Variants in ZNF382 observed in about 807,000 individuals in gnomAD.
ZNF382 encodes the protein KRAB/zinc finger suppressor protein 1.
A neutral mutation model predicts 38.8 loss-of-function variants in ZNF382; 20 were observed. The ratio of observed to expected loss-of-function variants is 0.51; its 90% CI spans 0.36 to 0.75. The LOEUF (loss-of-function observed/expected upper bound fraction) is 0.75, where lower values mean the gene tolerates loss of function less well. Among genes scored for constraint, ZNF382 ranks in the 30% least tolerant of loss-of-function variants. ZNF382 has a pLI of 0.00. For synonymous variants in ZNF382, 202 were observed against 223.1 expected, an observed-to-expected ratio of 0.91 and a Z score of 0.84; for missense variants, 546 against 654.1, an observed-to-expected ratio of 0.83 and a Z score of 1.80.
At chr19:36,624,935 G>A (rs1276649782) in intron 4 of ZNF382, among the ~76,000 whole-genome samples, 1 of 151,050 alleles carries the variant, frequency 6.6e-6, no homozygotes, top group Non-Finnish European at 1.5e-5. Context: ...GGATATGGTG[G>A]CACACATCTG....
chr19:36,627,288 A>T lies in ZNF382; in HGVS notation c.1391A>T (p.Tyr464Phe), dbSNP rs1336751160. The change falls in exon 5 of 5, where the codon TAT becomes TTT. Residue 464 changes from tyrosine to phenylalanine, a missense_variant. By Grantham distance (22) the Tyr-to-Phe change is conservative. Transcript: ENST00000292928. ...AGAATTCACACGGGGGAAAAACCCT[A>T]TATTTGTAATGAATGTGGGAAGTCC... Reference protein sequence around the residue: ...HQRIHTGEKPYICNECGKSFR... With the variant: ...HQRIHTGEKPFICNECGKSFR... 6.2e-7 allele frequency: 1 copy of T among 1,603,874 alleles called. No homozygotes were observed. Among genetic ancestry groups the T allele is most frequent in the African/African-American group, 1.4e-5 (1 of 72,088 alleles).
At position 36,619,621 on chromosome 19, in the gene ZNF382, T is replaced by G. The variant is rs2037152758; in HGVS notation, c.233-6509T>G. 7.2e-5 allele frequency among the ~76,000 whole-genome samples: 11 copies of G among 152,300 alleles called. No individual in the cohort carries two copies. In the South Asian group the frequency reaches 2.3e-3, roughly 32 times the overall value. On this transcript the variant is annotated intron_variant, in intron 4 of 4. Transcript: ENST00000292928. ...CACATGGAAGTGCCAGGTGAGAAGGTGACAAAGCGTTTTAAAGTGTCTCAA... is the reference window on the plus strand; with the variant it reads ...CACATGGAAGTGCCAGGTGAGAAGGGGACAAAGCGTTTTAAAGTGTCTCAA...
chr19:36,622,259 G>A (rs1355000391), intron 4 of ZNF382, among the ~76,000 whole-genome samples: 1 of 152,042 alleles, frequency 6.6e-6, no homozygotes, highest in Non-Finnish European at 1.5e-5. Flanking sequence ...GACCTCAAGT[G>A]ATCCACCCAC....
rs779591609 is a variant in ZNF382 at position 36,627,317 on chromosome 19, C to T, written c.1420C>T (p.Arg474Cys). ...TTGTAATGAATGTGGGAAGTCCTTC[C>T]GCCAGAAGGCAATCCTCACTGTTCA... ...YICNECGKSF[R>C]QKAILTVHHR... The change falls in exon 5 of 5, where the codon CGC becomes TGC. Residue 474 changes from arginine (R) to cysteine (C), a missense_variant. Coordinates refer to ENST00000292928, the MANE Select transcript of ZNF382 (RefSeq NM_032825.5). 1.5e-5 allele frequency: 24 copies of T among 1,613,946 alleles called. No individual in the cohort carries two copies. The highest frequency in any genetic ancestry group is 4.5e-5 in the East Asian group (2 of 44,900).
chr19:36,621,909 T>C (rs1223162340), intron 4 of ZNF382, among the ~76,000 whole-genome samples: 1 of 152,168 alleles, frequency 6.6e-6, no homozygotes, highest in Non-Finnish European at 1.5e-5. Context: ...CCATATATAC[T>C]TGCAAAATTA....
rs2145310430 is a variant in ZNF382 at position 36,607,642 on chromosome 19, C to G, written c.-14+20C>G. 1 of 1,514,310 alleles carries G rather than the reference C, an allele frequency of 6.6e-7. No homozygotes were observed. Among genetic ancestry groups the G allele is most frequent in the East Asian group, 2.5e-5 (1 of 40,554 alleles). The allele number at this position is 1,514,310 out of a possible 1,614,324, so 93.8% of individuals were successfully genotyped here. On this transcript the variant is annotated intron_variant, in intron 2 of 4. Transcript: ENST00000292928. ...TCTCAGGTGAGATGATGTTTCCTCTCTTTCTGAAATAACTTTTTTTCATGG... is the reference window on the plus strand; with the variant it reads ...TCTCAGGTGAGATGATGTTTCCTCTGTTTCTGAAATAACTTTTTTTCATGG...
Position 36,627,798 on chromosome 19 carries a change from C to T in ZNF382, c.*248C>T. 2.4e-6 allele frequency: 1 copy of T among 417,914 alleles called. No homozygotes were observed. Among genetic ancestry groups the T allele is most frequent in the Non-Finnish European group, 4.3e-6 (1 of 232,038 alleles). The allele number at this position is 417,914 out of a possible 1,614,324, so 25.9% of individuals were successfully genotyped here. A position where few individuals can be genotyped will look rare whatever the true frequency, so the allele number is the denominator to read the frequency against. On this transcript the variant is annotated 3_prime_UTR_variant, in exon 5 of 5. Transcript: ENST00000292928. ...TAGCTTCAGCAGACAAAAACTTCCTCTGTCAAGGTGTTATAAACATTTAAA... is the reference window on the plus strand; with the variant it reads ...TAGCTTCAGCAGACAAAAACTTCCTTTGTCAAGGTGTTATAAACATTTAAA...
chr19:36,623,138 A>G (rs2037182555), intron 4 of ZNF382, among the ~76,000 whole-genome samples: 1 of 152,194 alleles, frequency 6.6e-6, no homozygotes, highest in Non-Finnish European at 1.5e-5. Flanking sequence ...CCATGTATCC[A>G]GTAGTTATCT....
chr19:36,609,859 A>C, intron 2 of ZNF382, 43 bp from the exon 3 acceptor site: 1 of 1,532,366 alleles, frequency 6.5e-7, no homozygotes, highest in East Asian at 2.3e-5. Context: ...TGTCAGTACT[A>C]GGTCTCCAAT....
At position 36,628,726 on chromosome 19, in the gene ZNF382, G is replaced by A. The variant is rs1011520182; in HGVS notation, c.*1176G>A. 6.6e-6 allele frequency: 1 copy of A among 152,484 alleles called. No homozygotes were observed. Among genetic ancestry groups the A allele is most frequent in the Non-Finnish European group, 1.5e-5 (1 of 68,040 alleles). 9.4% of individuals were successfully genotyped at this position (152,484 alleles called of 1,614,324 possible). On this transcript the variant is annotated 3_prime_UTR_variant, in exon 5 of 5. Transcript: ENST00000292928. Reference sequence around the variant, plus strand: ...CTGTGTTGAAGTTAGGGCGTGGGGAGGAATATAGTCTTTACCTATGGTCTG... The same window carrying A: ...CTGTGTTGAAGTTAGGGCGTGGGGAAGAATATAGTCTTTACCTATGGTCTG...
intron 1 of ZNF382, among the ~76,000 whole-genome samples, chr19:36,607,007 G>A (rs1347780183): frequency 6.6e-6 from 1 of 151,238 alleles, no homozygotes; most frequent in East Asian, 2.0e-4. Context: ...AACCCGGGAG[G>A]TGGAGGTTGC....
intron 4 of ZNF382, among the ~76,000 whole-genome samples, chr19:36,615,096 C>G (rs1349098811): frequency 6.7e-6 from 1 of 150,262 alleles, no homozygotes; most frequent in African/African-American, 2.5e-5. Context: ...GATTCTTGTG[C>G]TTCAGACTCC....
chr19:36,616,858 G>T (rs1043656637), intron 4 of ZNF382, among the ~76,000 whole-genome samples: 6 of 152,198 alleles, frequency 3.9e-5, no homozygotes, highest in Middle Eastern at 3.4e-3. Flanking sequence ...GGCACCTAAA[G>T]TTCAAGTGAC....
chr19:36,619,995 T>C (rs1431605544), intron 4 of ZNF382, among the ~76,000 whole-genome samples: 1 of 152,128 alleles, frequency 6.6e-6, no homozygotes, highest in Non-Finnish European at 1.5e-5. Context: ...CCTCCCAAAG[T>C]GCTGGGATTA....
At chr19:36,609,224 A>G (rs2037058345) in intron 2 of ZNF382, 1 of 152,224 alleles carries the variant, frequency 6.6e-6, no homozygotes, top group Non-Finnish European at 1.5e-5. Flanking sequence ...TTAACAATGT[A>G]GATTTTCATA....
chr19:36,607,717 T>G, intron 2 of ZNF382, 95 bp downstream of exon 2: 1 of 1,289,970 alleles, frequency 7.8e-7, no homozygotes, highest in Non-Finnish European at 1.0e-6. Flanking sequence ...ATATTGGGAT[T>G]TGCTTCCATG....
chr19:36,624,704 T>C lies in ZNF382; in HGVS notation c.233-1426T>C, dbSNP rs2037196210. ...ATTTGGCAAATTTAAGGAATGAAGT[T>C]AGAATTGTTGGTCAGGAGAATTTCA... On this transcript the variant is annotated intron_variant, in intron 4 of 4. Coordinates refer to ENST00000292928, the MANE Select transcript of ZNF382 (RefSeq NM_032825.5). 2.6e-5 allele frequency among the ~76,000 whole-genome samples: 4 copies of C among 152,092 alleles called. No individual in the cohort carries two copies. In the South Asian group the frequency reaches 8.3e-4, roughly 32 times the overall value.
intron 1 of ZNF382, 25 bp from the exon 2 acceptor site, chr19:36,607,527 A>G (rs2037044251): frequency 2.2e-6 from 3 of 1,388,776 alleles, no homozygotes; most frequent in South Asian, 1.2e-5. Context: ...TCACATACGT[A>G]TATCCTCCAT....
At position 36,610,833 on chromosome 19, in the gene ZNF382, A is replaced by G. The variant is rs1600387703; in HGVS notation, c.232+91A>G. On this transcript the variant is annotated intron_variant, in intron 4 of 4. Transcript: ENST00000292928. ...AGGGATCTATTTTTGTTATTGTGGT[A>G]AAATACACATAACATTAAATATGCT... 4 of 919,186 alleles carry G rather than the reference A, an allele frequency of 4.4e-6. No individual in the cohort carries two copies. The East Asian group carries it at 1.0e-4, about 23-fold the overall frequency. 56.9% of individuals were successfully genotyped at this position (919,186 alleles called of 1,614,324 possible). A position where few individuals can be genotyped will look rare whatever the true frequency, so the allele number is the denominator to read the frequency against.
Sources: allele counts gnomAD v4.1 joint callset (sites outside exome capture counted in the v4.1 genomes callset), GRCh38; gene constraint gnomAD v4.1.1; transcripts MANE v1.5; gene names NCBI Gene and HGNC (gene_info 2026-07-23, HGNC 2026-07-21).